SMARCAL1: variants seen among roughly 807,000 people sequenced by gnomAD.
SMARCAL1 encodes the protein ATP-driven annealing helicase.
Under a neutral mutation model 94.5 loss-of-function variants are expected in SMARCAL1, and 58 were observed. That is an observed-to-expected ratio of 0.61 (90% CI 0.50 to 0.76). SMARCAL1 has a LOEUF of 0.76. SMARCAL1 is among the 30% of genes least tolerant of loss of function. The pLI is 0.00. For synonymous variants in SMARCAL1, 422 were observed against 455.1 expected (o/e 0.93, Z 0.93); for missense variants, 1,051 against 1,177.9 (o/e 0.89, Z 1.58).
Position 216,414,973 on chromosome 2 carries a change from A to C in SMARCAL1, c.269A>C (p.His90Pro). 1.2e-6 allele frequency: 2 copies of C among 1,614,192 alleles called. No homozygotes were observed. Among genetic ancestry groups the C allele is most frequent in the South Asian group, 2.2e-5 (2 of 91,080 alleles). The change falls in exon 3 of 18, where the codon CAC (histidine) becomes CCC (proline). Residue 90 changes from histidine to proline, a missense_variant. By Grantham distance (77) the His-to-Pro change is moderately conservative (BLOSUM62 -2). Coordinates refer to ENST00000357276, the MANE Select transcript of SMARCAL1 (RefSeq NM_014140.4). ...GCTGACCAAAGACCTCATGATTCCCACAGTTTTCAGGCAAAGGGAATATGG... is the reference window on the plus strand; with the variant it reads ...GCTGACCAAAGACCTCATGATTCCCCCAGTTTTCAGGCAAAGGGAATATGG... Reference protein sequence around the residue: ...SNADQRPHDSHSFQAKGIWKK... With the variant: ...SNADQRPHDSPSFQAKGIWKK...
intron 6 of SMARCAL1, 102 bp from the exon 7 acceptor site, chr2:216,428,494 C>G: frequency 8.7e-7 from 1 of 1,149,880 alleles, no homozygotes; most frequent in South Asian, 1.3e-5. Context: ...GGACCTAGGA[C>G]CAGCATCACT....
intron 14 of SMARCAL1, among the ~76,000 whole-genome samples, chr2:216,474,918 G>T (rs1425299005): frequency 1.4e-4 from 21 of 152,142 alleles, no homozygotes; most frequent in Non-Finnish European, 1.5e-5. Context: ...ACCTACACAG[G>T]TGATAAAATT....
At chr2:216,428,507 A>G in intron 6 of SMARCAL1, 89 bp from the exon 7 acceptor site, 1 of 1,318,500 alleles carries the variant, frequency 7.6e-7, no homozygotes, top group East Asian at 2.3e-5. Context: ...GCATCACTGG[A>G]AGGAAATATA....
intron 9 of SMARCAL1, among the ~76,000 whole-genome samples, chr2:216,437,669 C>G (rs1393426664): frequency 6.6e-6 from 1 of 152,034 alleles, no homozygotes; most frequent in African/African-American, 2.4e-5. Context: ...CTGTACCAAA[C>G]TAGAAAATTT....
chr2:216,420,459 C>G lies in SMARCAL1; in HGVS notation c.1023C>G (p.Ala341=). The change falls in exon 5 of 18, where the codon GCC becomes GCG. Residue 341 remains alanine, a synonymous_variant. Coordinates refer to ENST00000357276, the MANE Select transcript of SMARCAL1 (RefSeq NM_014140.4). ...GGCGATGCATGCTCATCTCCAGGGC[C>G]TACTTCGAGGCAGACATCAGTTATT... The part of the protein sequence containing the change: ...VKGRCMLISR[A]YFEADISYSQ... The G allele has an allele frequency of 6.2e-7, 1 of 1,614,200 alleles. No homozygotes were observed. The highest frequency in any genetic ancestry group is 8.5e-7 in the Non-Finnish European group (1 of 1,180,030).
intron 16 of SMARCAL1, 112 bp downstream of exon 16, chr2:216,477,321 G>T (rs764988945): frequency 6.0e-6 from 5 of 832,966 alleles, no homozygotes; most frequent in Non-Finnish European, 8.0e-6. Flanking sequence ...GGTCTTTAAG[G>T]ATCTATAGAA....
intron 11 of SMARCAL1, among the ~76,000 whole-genome samples, chr2:216,448,707 A>G (rs72948630): frequency 1.2e-4 from 19 of 152,150 alleles, no homozygotes; most frequent in East Asian, 1.2e-3. Flanking sequence ...CGGTACACAC[A>G]TGTAGTCCCA....
intron 4 of SMARCAL1, among the ~76,000 whole-genome samples, chr2:216,416,527 T>C (rs1424062165): frequency 1.3e-5 from 2 of 152,224 alleles, no homozygotes; most frequent in Non-Finnish European, 2.9e-5. Flanking sequence ...TAAATGATGC[T>C]TGCTTTGCAT....
rs761003078 is a variant in SMARCAL1 at position 216,428,659 on chromosome 2, C to A, written c.1211C>A (p.Ala404Glu). 4 of 1,614,232 alleles carry A rather than the reference C, an allele frequency of 2.5e-6. No individual in the cohort carries two copies. Among genetic ancestry groups the A allele is most frequent in the African/African-American group, 2.7e-5 (2 of 75,070 alleles). Residue 404 changes from alanine (A) to glutamate (E), a missense_variant, in exon 7 of 18, where the codon GCG becomes GAG. Around this residue, in one of 3 missense-constraint regions of SMARCAL1, gnomAD observed 642 missense variants for 754.7 expected, o/e 0.85. Coordinates refer to ENST00000357276, the MANE Select transcript of SMARCAL1 (RefSeq NM_014140.4). ...LDPLPTTLTLAFASQLKKTSL... is the reference protein window; with the variant it reads ...LDPLPTTLTLEFASQLKKTSL... ...CCTCTGCCCACGACTCTCACCCTGG[C>A]GTTTGCTTCTCAGCTCAAGAAGACA... is the stretch of plus-strand genomic sequence containing the variant.
chr2:216,430,778 G>T (rs376591425), intron 7 of SMARCAL1, among the ~76,000 whole-genome samples: 11 of 152,344 alleles, frequency 7.2e-5, no homozygotes, highest in African/African-American at 2.6e-4. Flanking sequence ...CTCAAAGGGC[G>T]TGGGGCTCTC....
chr2:216,420,196 C>T (rs1239727494), intron 4 of SMARCAL1, 103 bp from the exon 5 acceptor site: 1 of 910,566 alleles, frequency 1.1e-6, no homozygotes, highest in Non-Finnish European at 1.8e-6. Context: ...TGCCTCTTGA[C>T]CATGTCCCTT....
chr2:216,428,576 G>A lies in SMARCAL1; in HGVS notation c.1148-20G>A. ...TGGGCATGAACACTCCAGCTCATAT[G>A]CTTCTGTTCTTCTTTTCAGTTGCAA... is the stretch of plus-strand genomic sequence containing the variant. On this transcript the variant is annotated intron_variant, in intron 6 of 17. Coordinates refer to ENST00000357276, the MANE Select transcript of SMARCAL1 (RefSeq NM_014140.4). 3.7e-6 allele frequency: 6 copies of A among 1,612,332 alleles called. No homozygotes were observed. The highest frequency in any genetic ancestry group is 5.1e-6 in the Non-Finnish European group (6 of 1,179,652).
At chr2:216,420,645 C>A in intron 5 of SMARCAL1, 113 bp downstream of exon 5, 1 of 796,286 alleles carries the variant, frequency 1.3e-6, no homozygotes, top group Non-Finnish European at 2.2e-6. Context: ...GGAAAGACTT[C>A]CTGTTCTGCT....
intron 12 of SMARCAL1, among the ~76,000 whole-genome samples, chr2:216,464,137 G>T (rs1323837898): frequency 6.6e-6 from 1 of 152,204 alleles, no homozygotes; most frequent in African/African-American, 2.4e-5. Flanking sequence ...ACAGAGGTAA[G>T]CTCTGTAAGT....
rs192925164 is a variant in SMARCAL1, at chr2:216,430,996, A to C, written c.1335-1722A>C. 1.4e-4 allele frequency among the ~76,000 whole-genome samples: 21 copies of C among 152,374 alleles called. No individual in the cohort carries two copies. In the East Asian group the frequency reaches 3.9e-3, roughly 28 times the overall value. On this transcript the variant is annotated intron_variant, in intron 7 of 17. Transcript: ENST00000357276. The stretch of plus-strand genomic sequence containing the variant: ...CTGTTCTGGAGAGGTGAGGCAGCCC[A>C]CTGCTCGGCTCCGTTCCTCCCCAGT...
chr2:216,453,873 A>G (rs1264077350), intron 12 of SMARCAL1, among the ~76,000 whole-genome samples: 1 of 152,252 alleles, frequency 6.6e-6, no homozygotes, highest in Non-Finnish European at 1.5e-5. Flanking sequence ...AAAGCTTTAT[A>G]TCACAGGAGC....
chr2:216,474,680 C>T (rs1246610601), intron 14 of SMARCAL1, among the ~76,000 whole-genome samples: 1 of 151,868 alleles, frequency 6.6e-6, no homozygotes, highest in Non-Finnish European at 1.5e-5. Flanking sequence ...ACTTGAACCC[C>T]AGGGGGCGGA....
At chr2:216,439,203 G>C (rs1408342747) in intron 10 of SMARCAL1, among the ~76,000 whole-genome samples, 3 of 152,042 alleles carry the variant, frequency 2.0e-5, no homozygotes, top group Non-Finnish European at 2.9e-5. Flanking sequence ...GCAGATTCTA[G>C]TCTTTAAGCA....
chr2:216,461,562 T>C (rs1694705424), intron 12 of SMARCAL1, among the ~76,000 whole-genome samples: 1 of 152,190 alleles, frequency 6.6e-6, no homozygotes, highest in Non-Finnish European at 1.5e-5. Context: ...GTGTGCTGGC[T>C]CACTCCTGTA....
Sources: allele counts gnomAD v4.1 joint callset (sites outside exome capture counted in the v4.1 genomes callset), GRCh38; gene constraint gnomAD v4.1.1; regional missense constraint gnomAD v4.1.1; transcripts MANE v1.5; gene names NCBI Gene and HGNC (gene_info 2026-07-23, HGNC 2026-07-21).